FRAS1: variants seen among roughly 807,000 people sequenced by gnomAD.
The protein encoded by FRAS1 is extracellular matrix organizing protein FRAS1.
Under a neutral mutation model 435.2 loss-of-function variants are expected in FRAS1, and 290 were observed. That is an observed-to-expected ratio of 0.67 (90% CI 0.61 to 0.73). The LOEUF is 0.73. FRAS1 is among the 30% of genes least tolerant of loss of function. The pLI, the probability that FRAS1 is intolerant of heterozygous loss-of-function variation, is 0.00. For synonymous variants in FRAS1, 1,800 were observed against 1,851.0 expected (o/e 0.97, Z 0.71); for missense variants, 4,860 against 5,001.5 (o/e 0.97, Z 0.85).
chr4:78,310,395 G>A (rs1031634015), intron 15 of FRAS1, among the ~76,000 whole-genome samples: 2 of 152,164 alleles, frequency 1.3e-5, no homozygotes, highest in Non-Finnish European at 2.9e-5. Context: ...GAGAAGTGGT[G>A]TATTTAAAAA....
In FRAS1 at chr4:78,511,334, G is replaced by A; in HGVS notation, c.9841G>A (p.Asp3281Asn). ...FHVRCVAKAV[D>N]KVGHVGTPLR... ...TGTGCGTTGTGTGGCCAAGGCTGTG[G>A]ACAAGGTGGGCCATGTGGGGACCCC... Residue 3281 changes from aspartate to asparagine, a missense_variant, in exon 64 of 74, where the codon GAC becomes AAC. Asp to Asn is a conservative substitution (Grantham distance 23, BLOSUM62 1). Coordinates refer to ENST00000512123, the MANE Select transcript of FRAS1 (RefSeq NM_025074.7). The A allele has an allele frequency of 1.9e-6, 3 of 1,613,388 alleles. No individual in the cohort carries two copies. Among genetic ancestry groups the A allele is most frequent in the South Asian group, 1.1e-5 (1 of 91,062 alleles).
intron 47 of FRAS1, among the ~76,000 whole-genome samples, chr4:78,457,817 G>A (rs1164488656): frequency 6.6e-6 from 1 of 152,148 alleles, no homozygotes; most frequent in Non-Finnish European, 1.5e-5. Context: ...TTTCTTGAAG[G>A]AGCTAAATTA....
At chr4:78,305,165 A>T (rs1197257072) in intron 14 of FRAS1, among the ~76,000 whole-genome samples, 1 of 151,720 alleles carries the variant, frequency 6.6e-6, no homozygotes, top group African/African-American at 2.4e-5. Context: ...CATGTAGTTG[A>T]GTGGTTTTGA....
At position 78,379,962 on chromosome 4, in the gene FRAS1, A is replaced by C. The variant is rs769982793; in HGVS notation, c.3529A>C (p.Lys1177Gln). ...RFSWKDVNEK[K>Q]VRFVHSKEKL... ...TAGCTGGAAAGATGTGAACGAGAAG[A>C]AAGTGCGTTTTGTGCACAGCAAAGA... The change falls in exon 27 of 74, where the codon AAA becomes CAA. Residue 1177 changes from lysine to glutamine, a missense_variant. Transcript: ENST00000512123. The C allele has an allele frequency of 5.0e-6, 8 of 1,613,544 alleles. No homozygotes were observed. The highest frequency in any genetic ancestry group is 1.3e-5 in the African/African-American group (1 of 74,892).
chr4:78,451,733 G>A (rs746817900), intron 45 of FRAS1, 39 bp from the exon 46 acceptor site: 11 of 1,527,826 alleles, frequency 7.2e-6, no homozygotes, highest in African/African-American at 1.4e-5. Flanking sequence ...AGGGCAGAAA[G>A]CACTAATAGC....
chr4:78,170,438 C>T (rs557752599), intron 2 of FRAS1, among the ~76,000 whole-genome samples: 2 of 152,224 alleles, frequency 1.3e-5, no homozygotes, highest in Admixed American at 1.3e-4. Context: ...ATTTTAGCAT[C>T]ACCTGTTGTC....
intron 12 of FRAS1, among the ~76,000 whole-genome samples, chr4:78,283,234 T>C (rs1224906814): frequency 6.6e-6 from 1 of 152,246 alleles, no homozygotes; most frequent in Non-Finnish European, 1.5e-5. Context: ...ATATGCCTTA[T>C]GTATCTTGCA....
At chr4:78,126,426 C>T (rs771307995) in intron 2 of FRAS1, among the ~76,000 whole-genome samples, 3 of 152,218 alleles carry the variant, frequency 2.0e-5, no homozygotes, top group Non-Finnish European at 2.9e-5. Context: ...CAACTAGTCC[C>T]AGTGAGATGA....
At chr4:78,159,650 G>T (rs1415217936) in intron 2 of FRAS1, among the ~76,000 whole-genome samples, 1 of 152,180 alleles carries the variant, frequency 6.6e-6, no homozygotes, top group African/African-American at 2.4e-5. Context: ...GGAGGCCAAG[G>T]AGGGTAGATC....
At chr4:78,403,383 A>C (rs142684651) in intron 30 of FRAS1, among the ~76,000 whole-genome samples, 1 of 152,304 alleles carries the variant, frequency 6.6e-6, no homozygotes, top group African/African-American at 2.4e-5. Context: ...TCCTATGAAC[A>C]TGATCTTTCC....
intron 2 of FRAS1, among the ~76,000 whole-genome samples, chr4:78,193,302 C>T (rs1722638455): frequency 6.6e-6 from 1 of 152,156 alleles, no homozygotes; most frequent in Admixed American, 6.5e-5. Flanking sequence ...TGGTGCAGAG[C>T]TGAGTTCAAT....
intron 14 of FRAS1, among the ~76,000 whole-genome samples, chr4:78,287,442 G>A (rs1484607771): frequency 6.6e-6 from 1 of 152,168 alleles, no homozygotes; most frequent in Admixed American, 6.5e-5. Flanking sequence ...CAGAAACTAA[G>A]GCAGGGTGTG....
At position 78,286,374 on chromosome 4, in the gene FRAS1, T is replaced by A. The variant is rs762497413; in HGVS notation, c.1400-31T>A. 5.0e-6 allele frequency: 8 copies of A among 1,612,214 alleles called. No individual in the cohort carries two copies. The African/African-American group carries it at 1.1e-4, about 22-fold the overall frequency. The stretch of plus-strand genomic sequence containing the variant: ...GTCTTTCAGCTAATCAAATGGTTCC[T>A]TTCTCTTTCTTCAACATTATCTGGA... On this transcript the variant is annotated intron_variant, in intron 13 of 73. Transcript: ENST00000512123.
At chr4:78,430,040 A>G (rs1734151183) in intron 36 of FRAS1, among the ~76,000 whole-genome samples, 1 of 152,190 alleles carries the variant, frequency 6.6e-6, no homozygotes, top group Admixed American at 6.5e-5. Flanking sequence ...TGTCATTTGT[A>G]TGGAAGAAAA....
At chr4:78,201,362 G>A (rs1441241094) in intron 2 of FRAS1, among the ~76,000 whole-genome samples, 1 of 152,170 alleles carries the variant, frequency 6.6e-6, no homozygotes, top group African/African-American at 2.4e-5. Flanking sequence ...CTAGTTAATT[G>A]GAATCACAAG....
intron 18 of FRAS1, among the ~76,000 whole-genome samples, chr4:78,330,806 C>T (rs558895997): frequency 2.6e-5 from 4 of 152,290 alleles, no homozygotes; most frequent in Admixed American, 6.5e-5. Flanking sequence ...ATTTTAATTT[C>T]GCCTCGGTCC....
intron 2 of FRAS1, among the ~76,000 whole-genome samples, chr4:78,147,149 G>C (rs1720454252): frequency 6.6e-6 from 1 of 152,066 alleles, no homozygotes; most frequent in Non-Finnish European, 1.5e-5. Flanking sequence ...CCAGAGTCTG[G>C]AATCTTTTGT....
intron 2 of FRAS1, among the ~76,000 whole-genome samples, chr4:78,138,576 C>T (rs894682184): frequency 6.6e-6 from 1 of 152,158 alleles, no homozygotes; most frequent in African/African-American, 2.4e-5. Flanking sequence ...AAGATCACAA[C>T]TATTATATAA....
At chr4:78,114,178 A>T (rs1011574090) in intron 2 of FRAS1, among the ~76,000 whole-genome samples, 1 of 152,008 alleles carries the variant, frequency 6.6e-6, no homozygotes, top group Non-Finnish European at 1.5e-5. Flanking sequence ...GTTCTGTTCC[A>T]TTGGTCTATA....
Sources: allele counts gnomAD v4.1 joint callset (sites outside exome capture counted in the v4.1 genomes callset), GRCh38; gene constraint gnomAD v4.1.1; transcripts MANE v1.5; gene names NCBI Gene and HGNC (gene_info 2026-07-23, HGNC 2026-07-21).